The following NR3C2 variants were observed in gnomAD, a reference collection of about 807,000 sequenced individuals.
The protein encoded by NR3C2 is mineralocorticoid receptor.
In NR3C2, 15 loss-of-function variants were observed where a neutral mutation model predicts 86.4. The observed-to-expected ratio is 0.17, with a 90% confidence interval of 0.12 to 0.27. The LOEUF is 0.27. Ranked by LOEUF, NR3C2 falls within the 10% of genes least tolerant of loss-of-function variation. The pLI is 1.00. For missense variants in NR3C2, 960 were observed against 1,195.6 expected (o/e 0.80, Z 2.91); for synonymous variants, 458 against 450.5 (o/e 1.02, Z -0.21).
chr4:148,224,879 A>G (rs1738062521), intron 3 of NR3C2, among the ~76,000 whole-genome samples: 1 of 152,216 alleles, frequency 6.6e-6, no homozygotes, highest in African/African-American at 2.4e-5. Flanking sequence ...TTCTTATTTC[A>G]GGAAAGCTAC....
At chr4:148,280,064 T>C (rs947127817) in intron 2 of NR3C2, among the ~76,000 whole-genome samples, 7 of 152,168 alleles carry the variant, frequency 4.6e-5, no homozygotes, top group African/African-American at 1.4e-4. Context: ...CTGACAAAAA[T>C]ATCTTATTTT....
At chr4:148,234,299 A>G (rs1408873122) in intron 3 of NR3C2, among the ~76,000 whole-genome samples, 1 of 152,170 alleles carries the variant, frequency 6.6e-6, no homozygotes, top group Non-Finnish European at 1.5e-5. Context: ...AAAATTTATC[A>G]GTGCGCATCA....
chr4:148,200,911 C>G (rs975717237), intron 3 of NR3C2: 1 of 151,744 alleles, frequency 6.6e-6, no homozygotes, highest in Admixed American at 6.6e-5. Flanking sequence ...ATTCTAACTT[C>G]AATTTAAAAG....
chr4:148,373,190 C>T (rs1225734418), intron 2 of NR3C2, among the ~76,000 whole-genome samples: 1 of 152,180 alleles, frequency 6.6e-6, no homozygotes, highest in Non-Finnish European at 1.5e-5. Flanking sequence ...CTTCCTTCTA[C>T]TTAGAAGCCT....
intron 6 of NR3C2, among the ~76,000 whole-genome samples, chr4:148,129,474 C>T (rs139027184): frequency 1.1e-3 from 163 of 152,196 alleles, no homozygotes; most frequent in African/African-American, 3.7e-3. Context: ...GAACTGTACA[C>T]GTAAAAAGGG....
At chr4:148,312,482 G>T (rs529146610) in intron 2 of NR3C2, among the ~76,000 whole-genome samples, 1 of 152,174 alleles carries the variant, frequency 6.6e-6, no homozygotes, top group South Asian at 2.1e-4. Flanking sequence ...TACCATTATC[G>T]AAATAGCACT....
At chr4:148,429,405 AAG>A (rs1289378367) in intron 2 of NR3C2, among the ~76,000 whole-genome samples, 1 of 152,190 alleles carries the variant, frequency 6.6e-6, no homozygotes, top group Non-Finnish European at 1.5e-5. Context: ...CTCCCTCCCT[AAG>A]GTATTAACTT....
intron 2 of NR3C2, among the ~76,000 whole-genome samples, chr4:148,428,035 A>C (rs1285531892): frequency 2.6e-5 from 4 of 152,222 alleles, no homozygotes; most frequent in African/African-American, 9.6e-5. Flanking sequence ...ATATATTCTA[A>C]TAGCAAAAGG....
intron 5 of NR3C2, among the ~76,000 whole-genome samples, chr4:148,153,696 A>C (rs1182875222): frequency 6.6e-6 from 1 of 151,092 alleles, no homozygotes; most frequent in African/African-American, 2.4e-5. Context: ...CTGTAGATTA[A>C]GAGGGGCCTT....
At chr4:148,422,667 A>G (rs1195530033) in intron 2 of NR3C2, among the ~76,000 whole-genome samples, 2 of 152,200 alleles carry the variant, frequency 1.3e-5, no homozygotes, top group East Asian at 3.9e-4. Context: ...TCTTGTATGC[A>G]TATCAAAATC....
chr4:148,235,650 T>C (rs1295191059), intron 3 of NR3C2, among the ~76,000 whole-genome samples: 3 of 152,182 alleles, frequency 2.0e-5, no homozygotes, highest in Non-Finnish European at 4.4e-5. Context: ...GTACAGTCTA[T>C]TGATTTTTAG....
intron 2 of NR3C2, among the ~76,000 whole-genome samples, chr4:148,433,260 T>G (rs186927223): frequency 2.2e-4 from 34 of 152,258 alleles, no homozygotes; most frequent in African/African-American, 8.2e-4. Flanking sequence ...ATCTGTAATA[T>G]TTCTACCAGA....
At chr4:148,435,074 C>A (rs1276458005) in intron 2 of NR3C2, 30 bp downstream of exon 2, 2 of 1,609,994 alleles carry the variant, frequency 1.2e-6, no homozygotes. Context: ...AAAGCCATGA[C>A]TTCCAAAAAA....
At chr4:148,234,665 A>G (rs897405882) in intron 3 of NR3C2, among the ~76,000 whole-genome samples, 1 of 149,928 alleles carries the variant, frequency 6.7e-6, no homozygotes, top group African/African-American at 2.5e-5. Context: ...CCTGGGCGAC[A>G]CAGTGAGACT....
At chr4:148,089,784 C>T (rs1730979519) in intron 8 of NR3C2, among the ~76,000 whole-genome samples, 1 of 152,218 alleles carries the variant, frequency 6.6e-6, no homozygotes, top group South Asian at 2.1e-4. Flanking sequence ...GATGTGCCAC[C>T]ATGAGTCAGC....
intron 2 of NR3C2, among the ~76,000 whole-genome samples, chr4:148,271,072 G>A (rs553378577): frequency 6.6e-6 from 1 of 152,190 alleles, no homozygotes; most frequent in East Asian, 1.9e-4. Flanking sequence ...GGTGGTCATA[G>A]GTCTTCAAGC....
intron 3 of NR3C2, among the ~76,000 whole-genome samples, chr4:148,217,429 A>G (rs1008328989): frequency 7.2e-5 from 11 of 152,210 alleles, no homozygotes; most frequent in Non-Finnish European, 1.6e-4. Context: ...CAGCCTTGGG[A>G]CAGGGCCAGT....
intron 4 of NR3C2, among the ~76,000 whole-genome samples, chr4:148,164,650 C>T (rs1734802673): frequency 6.6e-6 from 1 of 152,188 alleles, no homozygotes; most frequent in South Asian, 2.1e-4. Context: ...AATTCTTTAA[C>T]AGCTTCAAGG....
chr4:148,421,773 A>G (rs1579279668), intron 2 of NR3C2, among the ~76,000 whole-genome samples: 1 of 152,200 alleles, frequency 6.6e-6, no homozygotes, highest in Non-Finnish European at 1.5e-5. Flanking sequence ...AGCATACTTC[A>G]GCATTATGAA....
Sources: gnomAD v4.1 joint callset for allele counts (sites outside exome capture counted in the v4.1 genomes callset) on GRCh38, gnomAD v4.1.1 for gene constraint, MANE v1.5 for transcripts, NCBI Gene and HGNC (gene_info 2026-07-23, HGNC 2026-07-21) for gene names.